The following TEX264 variants were observed in gnomAD, a reference collection of about 807,000 sequenced individuals.
The protein encoded by TEX264 is testis-expressed protein 264.
TEX264 carries 13 observed loss-of-function variants against 23.4 expected under a neutral mutation model. The observed-to-expected ratio is 0.56, with a 90% confidence interval of 0.36 to 0.88. TEX264 has a LOEUF of 0.88. Among genes scored for constraint, TEX264 ranks in the 40% least tolerant of loss-of-function variants. The pLI is 0.01. For missense variants in TEX264, 340 were observed against 406.8 expected, an observed-to-expected ratio of 0.84 and a Z score of 1.41; for synonymous variants, 159 against 170.0, an observed-to-expected ratio of 0.94 and a Z score of 0.50.
chr3:51,677,709 C>T (rs755307025), intron 2 of TEX264, among the ~76,000 whole-genome samples: 2 of 152,184 alleles, frequency 1.3e-5, no homozygotes, highest in Non-Finnish European at 2.9e-5. Flanking sequence ...GGAAGTAGCA[C>T]AAGAAAGGGT....
intron 3 of TEX264, among the ~76,000 whole-genome samples, chr3:51,693,220 C>G (rs143941643): frequency 6.6e-6 from 1 of 152,320 alleles, no homozygotes; most frequent in East Asian, 1.9e-4. Flanking sequence ...GCTGCCGGCT[C>G]TGAGGTGAAA....
In TEX264 at chr3:51,703,817, G is replaced by T. The variant is rs956868003; in HGVS notation, c.743G>T (p.Ser248Ile). The change falls in exon 5 of 5, where the codon AGC becomes ATC. Residue 248 changes from serine (S) to isoleucine (I), a missense_variant. Ser to Ile is a moderately radical substitution (Grantham distance 142). Transcript: ENST00000341333. This position sits in a 1 kb window ranked among gnomAD's most constrained non-coding sequence, Gnocchi z 4.8. ...GCTGCCACACTGTCACCTGGGGCGA[G>T]CAGCCGTGGCTGGGATGACGGTGAC... ...TSAATLSPGA[S>I]SRGWDDGDTR... 5 of 1,612,322 alleles carry T rather than the reference G, an allele frequency of 3.1e-6. No homozygotes were observed. Among genetic ancestry groups the T allele is most frequent in the Non-Finnish European group, 4.2e-6 (5 of 1,178,672 alleles).
chr3:51,672,471 T>G (rs1317822867), intron 1 of TEX264: 1 of 152,196 alleles, frequency 6.6e-6, no homozygotes, highest in Non-Finnish European at 1.5e-5. Flanking sequence ...TAAGTTTCCT[T>G]GAGGAGACAG....
intron 4 of TEX264, among the ~76,000 whole-genome samples, chr3:51,701,476 CA>C (rs1298045075): frequency 5.3e-5 from 8 of 152,008 alleles, no homozygotes; most frequent in Non-Finnish European, 1.5e-5. Context: ...AGGCGTGTAC[CA>C]CCATGCTTGG....
intron 3 of TEX264, among the ~76,000 whole-genome samples, chr3:51,685,068 TGGGCTTATACATCTGCTCCCAGAGGCCA>T (rs1222763149): frequency 6.6e-6 from 1 of 152,224 alleles, no homozygotes; most frequent in African/African-American, 2.4e-5. Context: ...TGCCTGTGCA[TGGGCTTATACATCTGCTCCCAGAGGCCA>T]GGGCTGGGAC....
intron 3 of TEX264, chr3:51,694,418 A>G (rs1216729567): frequency 6.6e-6 from 1 of 152,178 alleles, no homozygotes; most frequent in Admixed American, 6.6e-5. Flanking sequence ...GGCATGAGCC[A>G]CCGCGCCTGG....
chr3:51,688,931 A>G (rs1389123894), intron 3 of TEX264, among the ~76,000 whole-genome samples: 1 of 151,940 alleles, frequency 6.6e-6, no homozygotes, highest in Non-Finnish European at 1.5e-5. Context: ...GTTCCAGACC[A>G]GCCTGGGCAA....
intron 4 of TEX264, among the ~76,000 whole-genome samples, chr3:51,701,022 C>T (rs899314109): frequency 1.1e-4 from 16 of 152,164 alleles, no homozygotes; most frequent in African/African-American, 3.6e-4. Flanking sequence ...TAGCTTAGGC[C>T]GGGAGGTGAA....
intron 2 of TEX264, 63 bp from the exon 3 acceptor site, chr3:51,684,350 G>C: frequency 6.7e-7 from 1 of 1,482,906 alleles, no homozygotes; most frequent in South Asian, 1.2e-5. Context: ...AGTCCCAGGA[G>C]GAAGGAGGTC....
At chr3:51,690,623 C>T (rs970238321) in intron 3 of TEX264, among the ~76,000 whole-genome samples, 12 of 152,106 alleles carry the variant, frequency 7.9e-5, no homozygotes, top group Non-Finnish European at 1.5e-4. Flanking sequence ...TGGTCATTTC[C>T]CTCTTCCTGC....
intron 2 of TEX264, among the ~76,000 whole-genome samples, chr3:51,678,586 G>T (rs1702313366): frequency 6.6e-6 from 1 of 152,214 alleles, no homozygotes; most frequent in African/African-American, 2.4e-5. Flanking sequence ...GGCATGGAGT[G>T]GGTTGGGGAA....
chr3:51,674,575 C>T lies in TEX264; in HGVS notation c.258+13C>T. On this transcript the variant is annotated intron_variant, in intron 2 of 4. Transcript: ENST00000341333. ...CAACCCCCACATGGTAAGGAGTCTC[C>T]ATGGGGTTCTGCCCCATGGATGGGC... 6.2e-7 allele frequency: 1 copy of T among 1,612,742 alleles called. No homozygotes were observed.
At chr3:51,696,794 G>A (rs1339097108) in intron 3 of TEX264, among the ~76,000 whole-genome samples, 1 of 152,218 alleles carries the variant, frequency 6.6e-6, no homozygotes, top group Non-Finnish European at 1.5e-5. Context: ...AGGACCTGGT[G>A]CATGTGCTAT....
At chr3:51,694,053 T>G (rs1417240615) in intron 3 of TEX264, among the ~76,000 whole-genome samples, 2 of 122,108 alleles carry the variant, frequency 1.6e-5, no homozygotes, top group African/African-American at 6.1e-5. Context: ...CTTCCTCCCT[T>G]CCCTTCCCTT....
At position 51,686,161 on chromosome 3, in the gene TEX264, A is replaced by G. The variant is rs1181893872; in HGVS notation, c.480+1527A>G. Among the ~76,000 whole-genome samples the G allele has an allele frequency of 6.6e-6, 1 of 152,018 alleles. No homozygotes were observed. The highest frequency in any genetic ancestry group is 1.5e-5 in the Non-Finnish European group (1 of 67,990). ...GAGGAAAGGCTGGGCTGGTGGATAT[A>G]TTTGGGGACATCAGCCTGTTGGCAG... On this transcript the variant is annotated intron_variant, in intron 3 of 4. Coordinates refer to ENST00000341333, the MANE Select transcript of TEX264 (RefSeq NM_015926.6). This position sits in a 1 kb window ranked among gnomAD's most constrained non-coding sequence, Gnocchi z 4.1.
At chr3:51,677,153 G>A (rs1432942275) in intron 2 of TEX264, among the ~76,000 whole-genome samples, 2 of 152,236 alleles carry the variant, frequency 1.3e-5, no homozygotes, top group African/African-American at 4.8e-5. Context: ...TATGGAGGGA[G>A]AAACAGATTC....
chr3:51,673,594 CTT>C (rs1352092086), intron 1 of TEX264, among the ~76,000 whole-genome samples: 5 of 152,168 alleles, frequency 3.3e-5, no homozygotes, highest in African/African-American at 1.2e-4. Flanking sequence ...TAGTGTTGGA[CTT>C]TGTTCTGCCT....
intron 3 of TEX264, among the ~76,000 whole-genome samples, chr3:51,692,082 G>T (rs1423366750): frequency 1.3e-5 from 2 of 152,212 alleles, no homozygotes; most frequent in East Asian, 3.9e-4. Context: ...TGCTAGGGCG[G>T]CGTGGGAGCC....
intron 1 of TEX264, 83 bp from the exon 2 acceptor site, chr3:51,674,188 T>A: frequency 6.8e-7 from 1 of 1,479,396 alleles, no homozygotes; most frequent in East Asian, 2.3e-5. Flanking sequence ...TCTGAGGAGG[T>A]TGGGCCAGAA....
Sources: gnomAD v4.1 joint callset for allele counts (sites outside exome capture counted in the v4.1 genomes callset) on GRCh38, gnomAD v4.1.1 for gene constraint, Gnocchi (gnomAD v3.1) non-coding constraint, MANE v1.5 for transcripts, NCBI Gene and HGNC (gene_info 2026-07-23, HGNC 2026-07-21) for gene names.